SH3BP5: variants seen among roughly 807,000 people sequenced by gnomAD.
The protein encoded by SH3BP5 is SH3 domain-binding protein 5.
A neutral mutation model predicts 43.3 loss-of-function variants in SH3BP5; 22 were observed. That is an observed-to-expected ratio of 0.51 (90% CI 0.36 to 0.73). The LOEUF is 0.73. Among genes scored for constraint, SH3BP5 ranks in the 30% least tolerant of loss-of-function variants. SH3BP5 has a pLI of 0.00. For missense variants in SH3BP5, 529 were observed against 586.9 expected (o/e 0.90, Z 1.02); for synonymous variants, 255 against 225.8 (o/e 1.13, Z -1.16).
At chr3:15,325,791 A>C (rs946173239) in intron 2 of SH3BP5, among the ~76,000 whole-genome samples, 5 of 152,172 alleles carry the variant, frequency 3.3e-5, no homozygotes, top group Non-Finnish European at 7.4e-5. Flanking sequence ...AGGCCAAGGG[A>C]GGCAGATCGC....
At chr3:15,291,989 A>G (rs1697424615) in intron 3 of SH3BP5, among the ~76,000 whole-genome samples, 2 of 152,226 alleles carry the variant, frequency 1.3e-5, no homozygotes, top group Non-Finnish European at 2.9e-5. Flanking sequence ...AAGAGTGCAC[A>G]GCCGGGGCCC....
In SH3BP5 at chr3:15,295,158, A is replaced by G. The variant is rs369997326; in HGVS notation, c.330+8945T>C. On this transcript the variant is annotated intron_variant, in intron 3 of 8. Transcript: ENST00000383791. ...CATCTACATCAGAGCCACATGGTTC[A>G]GCGCACTAACAAATAAGCCTCTCCA... 2.1e-4 allele frequency among the ~76,000 whole-genome samples: 32 copies of G among 152,312 alleles called. No individual in the cohort carries two copies. In the South Asian group the frequency reaches 3.5e-3, roughly 17 times the overall value.
rs138739249 is a variant in SH3BP5 at position 15,256,635 on chromosome 3, G to C, written c.1150+218C>G. ...GGAGACTGTTCTGATGTGAGACATA[G>C]GACCTAAGCTCTACTTTATAGAAGC... On this transcript the variant is annotated intron_variant, in intron 8 of 8. Transcript: ENST00000383791. 734 of 607,644 alleles carry C rather than the reference G, an allele frequency of 1.2e-3. 2 individuals are homozygous for C. Among genetic ancestry groups the C allele is most frequent in the South Asian group, 2.5e-3 (115 of 46,324 alleles). 37.6% of individuals were successfully genotyped at this position (607,644 alleles called of 1,614,324 possible).
intron 7 of SH3BP5, among the ~76,000 whole-genome samples, chr3:15,257,776 G>A (rs1260847880): frequency 6.6e-6 from 1 of 152,212 alleles, no homozygotes; most frequent in East Asian, 1.9e-4. Context: ...TTGGCCTTTA[G>A]CGGTTTTCCC....
At position 15,262,167 on chromosome 3, in the gene SH3BP5, G is replaced by C. The variant is rs930272501; in HGVS notation, c.618C>G (p.Asn206Lys). 3 of 1,614,140 alleles carry C rather than the reference G, an allele frequency of 1.9e-6. No homozygotes were observed. The Admixed American group carries it at 5.0e-5, about 27-fold the overall frequency. The change falls in exon 5 of 9, where the codon AAC becomes AAG. Residue 206 changes from asparagine to lysine, a missense_variant. Transcript: ENST00000383791. Reference protein sequence around the residue: ...QLEKKLKRAINKSKPYFELKA... With the variant: ...QLEKKLKRAIKKSKPYFELKA... ...GCCCTGTCCAGACTTACTTGGACTT[G>C]TTGATGGCTCTCTTGAGTTTCTTCT...
chr3:15,262,639 G>T (rs1696491016), intron 4 of SH3BP5, among the ~76,000 whole-genome samples: 1 of 150,644 alleles, frequency 6.6e-6, no homozygotes, highest in South Asian at 2.1e-4. Flanking sequence ...CTGGGCGACA[G>T]AGTGAGACTC....
In SH3BP5 at chr3:15,328,248, T is replaced by C. The variant is rs969288137; in HGVS notation, c.201+2256A>G. Among the ~76,000 whole-genome samples the C allele has an allele frequency of 8.6e-5, 13 of 151,928 alleles. 1 individual carries two copies. Among genetic ancestry groups the C allele is most frequent in the Admixed American group, 7.2e-4 (11 of 15,254 alleles). The stretch of plus-strand genomic sequence containing the variant: ...TTCCTGTGACACACAAATACCTAAG[T>C]GTATTCAGAAATGGGATTCAGAAGT... On this transcript the variant is annotated intron_variant, in intron 2 of 8. Transcript: ENST00000383791.
intron 3 of SH3BP5, among the ~76,000 whole-genome samples, chr3:15,301,979 T>TA (rs1421761736): frequency 6.6e-6 from 1 of 152,192 alleles, no homozygotes; most frequent in East Asian, 1.9e-4. Context: ...TTTTAATAGA[T>TA]ACGCGTGGGC....
At chr3:15,305,217 C>G (rs1437716016) in intron 2 of SH3BP5, among the ~76,000 whole-genome samples, 1 of 152,132 alleles carries the variant, frequency 6.6e-6, no homozygotes, top group Admixed American at 6.5e-5. Context: ...AAGCTTTGTC[C>G]AGGACCTCTG....
intron 4 of SH3BP5, chr3:15,264,367 T>C (rs926515776): frequency 1.3e-5 from 2 of 152,148 alleles, no homozygotes; most frequent in African/African-American, 4.8e-5. Context: ...ATTTTGCATC[T>C]GTTGGTAATT....
chr3:15,316,837 G>C (rs6768398), intron 2 of SH3BP5, among the ~76,000 whole-genome samples: 31,550 of 152,078 alleles, frequency 0.21, 3,423 homozygotes, highest in African/African-American at 0.29. Flanking sequence ...AGGCCCGAGA[G>C]GATGGACTGA....
intron 1 of SH3BP5, among the ~76,000 whole-genome samples, chr3:15,337,985 C>T (rs1397579378): frequency 6.7e-6 from 1 of 149,296 alleles, no homozygotes; most frequent in East Asian, 2.0e-4. Context: ...GAAGTTAAGA[C>T]CCTTTCTGTC....
Position 15,262,248 on chromosome 3 carries a change from C to T in SH3BP5, c.537G>A (p.Val179=), listed in dbSNP as rs771938841. 1.2e-6 allele frequency: 2 copies of T among 1,614,192 alleles called. No individual in the cohort carries two copies. The highest frequency in any genetic ancestry group is 2.2e-5 in the South Asian group (2 of 91,088). Residue 179 remains valine (V), a synonymous_variant, in exon 5 of 9, where the codon GTG becomes GTA. Transcript: ENST00000383791. ...TGTACCTGGCTGCCGTCTCCTTATG[C>T]ACCAGCTCGCTCCTGGTCTTGGTCT... ...AEQTKTRSEL[V]HKETAARYNA...
intron 4 of SH3BP5, among the ~76,000 whole-genome samples, chr3:15,267,052 G>A (rs1696665893): frequency 6.6e-6 from 1 of 152,232 alleles, no homozygotes; most frequent in African/African-American, 2.4e-5. Flanking sequence ...GTGAGATGAA[G>A]CTCCCTTGTT....
chr3:15,312,589 A>T (rs1353981575), intron 2 of SH3BP5, among the ~76,000 whole-genome samples: 1 of 152,186 alleles, frequency 6.6e-6, no homozygotes, highest in East Asian at 1.9e-4. Context: ...TGTACTTTCA[A>T]TAAGAATGAA....
chr3:15,332,658 G>C (rs1054935775), upstream of SH3BP5: 36 of 1,156,814 alleles, frequency 3.1e-5, no homozygotes, highest in East Asian at 2.1e-4. Flanking sequence ...GTCCCGCCCC[G>C]GCCTCGCGTT....
chr3:15,318,277 G>C (rs1024225679), intron 2 of SH3BP5, among the ~76,000 whole-genome samples: 1 of 152,120 alleles, frequency 6.6e-6, no homozygotes, highest in Non-Finnish European at 1.5e-5. Context: ...ACATTTGTTG[G>C]ACATATATGC....
intron 4 of SH3BP5, among the ~76,000 whole-genome samples, chr3:15,269,101 G>A (rs6792120): frequency 0.064 from 9,732 of 151,888 alleles, 1,041 homozygotes; most frequent in African/African-American, 0.22. Flanking sequence ...GAGTAACGCA[G>A]TCAGAGAGGT....
At chr3:15,304,451 C>T (rs957713154) in intron 2 of SH3BP5, among the ~76,000 whole-genome samples, 1 of 152,198 alleles carries the variant, frequency 6.6e-6, no homozygotes, top group Non-Finnish European at 1.5e-5. Context: ...GTGGCGGCCA[C>T]CAGCCACGTG....
Sources: gnomAD v4.1 joint callset for allele counts (sites outside exome capture counted in the v4.1 genomes callset) on GRCh38, gnomAD v4.1.1 for gene constraint, MANE v1.5 for transcripts, NCBI Gene and HGNC (gene_info 2026-07-23, HGNC 2026-07-21) for gene names.